DCAF12: variants seen among roughly 807,000 people sequenced by gnomAD.
DCAF12 encodes the protein DDB1- and CUL4-associated factor 12.
In DCAF12, 28 loss-of-function variants were observed where a neutral mutation model predicts 52.8. The ratio of observed to expected loss-of-function variants is 0.53; its 90% CI spans 0.39 to 0.73. The LOEUF (loss-of-function observed/expected upper bound fraction) is 0.73, where lower values mean the gene tolerates loss of function less well. DCAF12 is among the 30% of genes least tolerant of loss of function. The probability of loss-of-function intolerance (pLI) is 0.00; values close to 1 mark genes in which losing one functional copy is unlikely to be tolerated. For synonymous variants in DCAF12, 196 were observed against 215.5 expected (o/e 0.91, Z 0.79); for missense variants, 425 against 552.2 (o/e 0.77, Z 2.31).
intron 4 of DCAF12, among the ~76,000 whole-genome samples, chr9:34,102,678 A>C (rs931298653): frequency 1.1e-5 from 1 of 90,756 alleles, no homozygotes; most frequent in African/African-American, 3.8e-5. Flanking sequence ...ACAACAACAA[A>C]AAACAAGAAC....
rs1321814025 is a variant in DCAF12, at chr9:34,086,745, T to A, written c.*1605A>T. ...GTATGTGCTGTGTAACAAGTTAGGG[T>A]GGACTTGCTGTCTCTCCTCTCCAGT... is the stretch of plus-strand genomic sequence containing the variant. On this transcript the variant is annotated 3_prime_UTR_variant, in exon 9 of 9. Coordinates refer to ENST00000361264, the MANE Select transcript of DCAF12 (RefSeq NM_015397.4). 6.6e-6 allele frequency: 1 copy of A among 152,182 alleles called. No homozygotes were observed. The highest frequency in any genetic ancestry group is 2.4e-5 in the African/African-American group (1 of 41,464). 9.4% of individuals were successfully genotyped at this position (152,182 alleles called of 1,614,324 possible).
chr9:34,126,616 A>C lies in DCAF12; in HGVS notation c.-185T>G, dbSNP rs1378202160. On this transcript the variant is annotated 5_prime_UTR_variant, in exon 1 of 9. Transcript: ENST00000361264. Reference sequence around the variant, plus strand: ...GAAAGAAAGGAAAGAGAGAGGAAGGACTTGAGCCGGGAAAGGGAAGGGGAA... The same window carrying C: ...GAAAGAAAGGAAAGAGAGAGGAAGGCCTTGAGCCGGGAAAGGGAAGGGGAA... The C allele has an allele frequency of 1.5e-6, 1 of 664,162 alleles. No individual in the cohort carries two copies. The highest frequency in any genetic ancestry group is 2.5e-6 in the Non-Finnish European group (1 of 404,254). The allele number at this position is 664,162 out of a possible 1,614,324, so 41.1% of individuals were successfully genotyped here. A position where few individuals can be genotyped will look rare whatever the true frequency, so the allele number is the denominator to read the frequency against.
chr9:34,118,732 G>C (rs1829124746), intron 2 of DCAF12, among the ~76,000 whole-genome samples: 1 of 151,678 alleles, frequency 6.6e-6, no homozygotes, highest in Non-Finnish European at 1.5e-5. Flanking sequence ...GGGAGGCAGA[G>C]GTGGGCAGAT....
intron 2 of DCAF12, among the ~76,000 whole-genome samples, chr9:34,112,977 C>T (rs553037691): frequency 6.6e-6 from 1 of 152,176 alleles, no homozygotes; most frequent in African/African-American, 2.4e-5. Context: ...ATTAATTGCC[C>T]ACTCACATAT....
chr9:34,115,751 T>G (rs1206950448), intron 2 of DCAF12, among the ~76,000 whole-genome samples: 1 of 152,014 alleles, frequency 6.6e-6, no homozygotes, highest in African/African-American at 2.4e-5. Flanking sequence ...TACATCTTTT[T>G]TAATTATAGA....
At chr9:34,105,278 G>C (rs545624284) in intron 4 of DCAF12, among the ~76,000 whole-genome samples, 1 of 151,604 alleles carries the variant, frequency 6.6e-6, no homozygotes, top group Admixed American at 6.6e-5. Context: ...TCATACTAAG[G>C]CTGGGTGCAG....
intron 2 of DCAF12, among the ~76,000 whole-genome samples, chr9:34,122,112 G>C (rs1004965719): frequency 6.6e-6 from 1 of 151,950 alleles, no homozygotes; most frequent in African/African-American, 2.4e-5. Flanking sequence ...AGTATCAGTG[G>C]TTCTTAACCA....
chr9:34,113,856 C>T (rs2131439439), intron 2 of DCAF12, among the ~76,000 whole-genome samples: 1 of 151,838 alleles, frequency 6.6e-6, no homozygotes, highest in African/African-American at 2.4e-5. Flanking sequence ...TGCCTGTAAT[C>T]CCAGCACTTT....
At chr9:34,088,647 G>T (rs1446209333) in intron 8 of DCAF12, 139 bp from the exon 9 acceptor site, 1 of 934,780 alleles carries the variant, frequency 1.1e-6, no homozygotes, top group Non-Finnish European at 1.6e-6. Flanking sequence ...GAGATTGGCT[G>T]GTTGGTTCTC....
chr9:34,092,840 T>TC (rs549797221), intron 7 of DCAF12, among the ~76,000 whole-genome samples: 11 of 151,908 alleles, frequency 7.2e-5, no homozygotes, highest in Non-Finnish European at 1.6e-4. Flanking sequence ...TTTGTGTCAC[T>TC]CCCCCCACAC....
At chr9:34,126,061 T>G (rs1829245233) in intron 1 of DCAF12, among the ~76,000 whole-genome samples, 1 of 152,168 alleles carries the variant, frequency 6.6e-6, no homozygotes, top group Non-Finnish European at 1.5e-5. Flanking sequence ...TAACTTCGGT[T>G]TCCCCTTCCT....
At chr9:34,109,375 C>T (rs763365456) in intron 2 of DCAF12, 7 of 201,710 alleles carry the variant, frequency 3.5e-5, no homozygotes, top group South Asian at 3.0e-4. Context: ...TCCTAGATGG[C>T]TGTGTTGTTG....
At chr9:34,123,010 T>G (rs1244312388) in intron 2 of DCAF12, among the ~76,000 whole-genome samples, 1 of 152,224 alleles carries the variant, frequency 6.6e-6, no homozygotes, top group Non-Finnish European at 1.5e-5. Context: ...ATGTTCTAAT[T>G]AAGGTTATAC....
At position 34,090,356 on chromosome 9, in the gene DCAF12, G is replaced by A. The variant is rs889688438; in HGVS notation, c.1025-766C>T. Among the ~76,000 whole-genome samples, 5 of 151,970 alleles carry A rather than the reference G, an allele frequency of 3.3e-5. No individual in the cohort carries two copies. The East Asian group carries it at 5.8e-4, about 18-fold the overall frequency. On this transcript the variant is annotated intron_variant, in intron 7 of 8. Transcript: ENST00000361264. The stretch of plus-strand genomic sequence containing the variant: ...ATTATAGGCATGAGCCACTGTGCCC[G>A]GCCACAATGCAAGAAGTCTTTATCT...
At chr9:34,119,205 C>T (rs959884524) in intron 2 of DCAF12, among the ~76,000 whole-genome samples, 1 of 152,098 alleles carries the variant, frequency 6.6e-6, no homozygotes, top group African/African-American at 2.4e-5. Flanking sequence ...GTCCTTCTCA[C>T]CGTCATTTTA....
chr9:34,118,821 G>C (rs1030528055), intron 2 of DCAF12, among the ~76,000 whole-genome samples: 6 of 152,044 alleles, frequency 3.9e-5, no homozygotes, highest in African/African-American at 1.4e-4. Context: ...AAAATTAGCC[G>C]GGCGTGGTGG....
intron 2 of DCAF12, among the ~76,000 whole-genome samples, chr9:34,114,488 T>C (rs541295632): frequency 5.3e-5 from 8 of 152,236 alleles, no homozygotes; most frequent in Admixed American, 6.5e-5. Context: ...ACTTGAAGGA[T>C]AGAGCCACCC....
intron 2 of DCAF12, among the ~76,000 whole-genome samples, chr9:34,123,806 A>G (rs1829208647): frequency 6.6e-6 from 1 of 151,856 alleles, no homozygotes; most frequent in African/African-American, 2.4e-5. Context: ...CTCTTTTTCT[A>G]CTCCAAGTGA....
intron 2 of DCAF12, chr9:34,109,080 A>C (rs1310459736): frequency 6.6e-6 from 1 of 151,612 alleles, no homozygotes; most frequent in African/African-American, 2.4e-5. Flanking sequence ...ATGAAGAACA[A>C]GTGCACACAC....
Sources: allele counts gnomAD v4.1 joint callset (sites outside exome capture counted in the v4.1 genomes callset), GRCh38; gene constraint gnomAD v4.1.1; transcripts MANE v1.5; gene names NCBI Gene and HGNC (gene_info 2026-07-23, HGNC 2026-07-21).